The following PTPRQ variants were observed in gnomAD, a reference collection of about 807,000 sequenced individuals.
PTPRQ encodes protein tyrosine phosphatase receptor type Q, also known as phosphatidylinositol phosphatase PTPRQ.
PTPRQ carries 199 observed loss-of-function variants against 246.0 expected under a neutral mutation model. That is an observed-to-expected ratio of 0.81 (90% confidence interval 0.72 to 0.91). The LOEUF is 0.91. PTPRQ is among the 40% of genes least tolerant of loss of function. PTPRQ has a pLI of 0.00. For missense variants in PTPRQ, 2,624 were observed against 2,528.4 expected, an observed-to-expected ratio of 1.04 and a Z score of -0.81; for synonymous variants, 869 against 853.2, an observed-to-expected ratio of 1.02 and a Z score of -0.32.
chr12:80,495,057 A>G lies in PTPRQ; in HGVS notation c.1665A>G (p.Gly555=), dbSNP rs377698467. The G allele has an allele frequency of 9.7e-6, 15 of 1,550,430 alleles. No individual in the cohort carries two copies. The African/African-American group carries it at 1.9e-4, about 20-fold the overall frequency. Residue 555 remains glycine (G), a synonymous_variant, in exon 11 of 45, where the codon GGA becomes GGG. Coordinates refer to ENST00000644991, the MANE Select transcript of PTPRQ (RefSeq NM_001145026.2). ...CTGCTTTCACCATCATGGGAGAAGGACCACCAACAGTTCTCAGTGTTAGGA... is the reference window on the plus strand; with the variant it reads ...CTGCTTTCACCATCATGGGAGAAGGGCCACCAACAGTTCTCAGTGTTAGGA... ...SVSAFTIMGE[G]PPTVLSVRTR...
At chr12:80,647,147 T>A (rs1900102634) in intron 35 of PTPRQ, among the ~76,000 whole-genome samples, 1 of 152,156 alleles carries the variant, frequency 6.6e-6, no homozygotes, top group Non-Finnish European at 1.5e-5. Context: ...GAAAAAGGAA[T>A]CTCTCTGCGA....
intron 25 of PTPRQ, among the ~76,000 whole-genome samples, chr12:80,562,006 T>C (rs1896841541): frequency 6.6e-6 from 1 of 151,844 alleles, no homozygotes. Context: ...TGTCAAATGC[T>C]TTTTTTTGCA....
At chr12:80,547,522 A>G (rs150872321) in intron 24 of PTPRQ, among the ~76,000 whole-genome samples, 411 of 152,286 alleles carry the variant, frequency 2.7e-3, no homozygotes, top group Non-Finnish European at 3.4e-3. Flanking sequence ...TCATTTCTGC[A>G]TAAATTTATG....
In PTPRQ at chr12:80,672,124, C is replaced by CT. The variant is rs200924646; in HGVS notation, c.6603-1038dup. Among the ~76,000 whole-genome samples the CT allele has an allele frequency of 5.1e-4, 78 of 151,988 alleles. No individual in the cohort carries two copies. The East Asian group carries it at 0.014, about 27-fold the overall frequency. On this transcript the variant is annotated intron_variant, in intron 42 of 44. Coordinates refer to ENST00000644991, the MANE Select transcript of PTPRQ (RefSeq NM_001145026.2). ...CCTCTATCTCCTTAACCTGATTCAT[C>CT]TTTTTTTCAGTATGAGACTTCTTAC...
At position 80,541,571 on chromosome 12, in the gene PTPRQ, T is replaced by A. The variant is rs1896152181; in HGVS notation, c.3171T>A (p.Val1057=). The part of the protein sequence containing the change: ...YTDQDIPEGF[V]GNLTYESISS... The stretch of plus-strand genomic sequence containing the variant: ...CTATCATAGTACCTGAAGGGTTTGT[T>A]GGAAACCTGACTTACGAATCCATTT... Residue 1057 remains valine (V), a synonymous_variant, in exon 21 of 45, where the codon GTT becomes GTA. Coordinates refer to ENST00000644991, the MANE Select transcript of PTPRQ (RefSeq NM_001145026.2). The A allele has an allele frequency of 6.5e-7, 1 of 1,529,660 alleles. No individual in the cohort carries two copies. The highest frequency in any genetic ancestry group is 1.3e-5 in the South Asian group (1 of 79,762). 94.8% of individuals were successfully genotyped at this position (1,529,660 alleles called of 1,614,324 possible). A position where few individuals can be genotyped will look rare whatever the true frequency, so the allele number is the denominator to read the frequency against.
At chr12:80,559,833 C>A (rs1896773310) in intron 25 of PTPRQ, among the ~76,000 whole-genome samples, 1 of 152,130 alleles carries the variant, frequency 6.6e-6, no homozygotes, top group Non-Finnish European at 1.5e-5. Context: ...CCTCCCCTCC[C>A]CTCTCCTGTC....
At chr12:80,574,334 T>C (rs1447370458) in intron 25 of PTPRQ, among the ~76,000 whole-genome samples, 1 of 152,180 alleles carries the variant, frequency 6.6e-6, no homozygotes, top group Non-Finnish European at 1.5e-5. Context: ...GAACAACCTA[T>C]AATCAGGTCT....
intron 14 of PTPRQ, among the ~76,000 whole-genome samples, chr12:80,500,022 A>G (rs1894748992): frequency 6.6e-6 from 1 of 152,016 alleles, no homozygotes; most frequent in East Asian, 1.9e-4. Flanking sequence ...AACAACCATG[A>G]GTGGATAATA....
At chr12:80,466,920 G>A (rs1480524262) in intron 6 of PTPRQ, among the ~76,000 whole-genome samples, 1 of 152,056 alleles carries the variant, frequency 6.6e-6, no homozygotes, top group Non-Finnish European at 1.5e-5. Context: ...GTAAACCTAG[G>A]CATTACCATT....
intron 8 of PTPRQ, among the ~76,000 whole-genome samples, chr12:80,483,703 TAGGTACTTCTC>T (rs1188675396): frequency 3.0e-5 from 4 of 133,540 alleles, no homozygotes; most frequent in African/African-American, 1.5e-4. Flanking sequence ...TCATCTACAT[TAGGTACTTCTC>T]CTAATGCTAT....
chr12:80,673,184 A>G lies in PTPRQ; in HGVS notation c.6618A>G (p.Arg2206=). 6.4e-7 allele frequency: 1 copy of G among 1,550,794 alleles called. No individual in the cohort carries two copies. Among genetic ancestry groups the G allele is most frequent in the Non-Finnish European group, 8.7e-7 (1 of 1,146,326 alleles). ...CTTCCTGTAGTGCTGGAGTTGGAAG[A>G]ACTGGAGTTTTTATTGCTCTGGACC... The part of the protein sequence containing the change: ...MIVHCSAGVG[R]TGVFIALDHL... Residue 2206 remains arginine (R), a synonymous_variant, in exon 43 of 45, where the codon AGA becomes AGG. Transcript: ENST00000644991.
At chr12:80,507,341 T>C (rs75957999) in intron 16 of PTPRQ, among the ~76,000 whole-genome samples, 1,812 of 152,130 alleles carry the variant, frequency 0.012, 40 homozygotes, top group African/African-American at 0.042. Flanking sequence ...ACATTGCATA[T>C]TTAAAGAAAA....
chr12:80,586,983 GTTCTCCGTGGA>G (rs1897641598), intron 25 of PTPRQ, among the ~76,000 whole-genome samples: 1 of 152,100 alleles, frequency 6.6e-6, no homozygotes, highest in Non-Finnish European at 1.5e-5. Flanking sequence ...TTCTGATTTT[GTTCTCCGTGGA>G]AGGTCTGGGA....
chr12:80,675,346 C>T (rs779775483), intron 43 of PTPRQ, among the ~76,000 whole-genome samples: 2 of 152,160 alleles, frequency 1.3e-5, no homozygotes, highest in Non-Finnish European at 2.9e-5. Context: ...AATTAGGTAG[C>T]TGGTCTTTAT....
intron 8 of PTPRQ, among the ~76,000 whole-genome samples, chr12:80,484,227 G>A (rs1007068450): frequency 2.0e-5 from 3 of 152,010 alleles, no homozygotes; most frequent in African/African-American, 4.8e-5. Flanking sequence ...GGCTGGTCTC[G>A]AACTCCTTAC....
intron 26 of PTPRQ, among the ~76,000 whole-genome samples, chr12:80,589,730 A>G (rs1446941023): frequency 1.3e-5 from 2 of 152,160 alleles, no homozygotes; most frequent in African/African-American, 4.8e-5. Flanking sequence ...CTTTGACACA[A>G]TTGTCCAACC....
At position 80,550,469 on chromosome 12, in the gene PTPRQ, C is replaced by T. The variant is rs570150515; in HGVS notation, c.4285+735C>T. Among the ~76,000 whole-genome samples the T allele has an allele frequency of 2.0e-5, 3 of 152,266 alleles. No homozygotes were observed. The South Asian group carries it at 6.2e-4, about 32-fold the overall frequency. ...AACATCAAGACATAGTCTGCCTTCT[C>T]TCTGATTTCAGCATCTAACTCCACA... On this transcript the variant is annotated intron_variant, in intron 25 of 44. Coordinates refer to ENST00000644991, the MANE Select transcript of PTPRQ (RefSeq NM_001145026.2).
At chr12:80,652,335 G>A (rs1900284836) in intron 37 of PTPRQ, among the ~76,000 whole-genome samples, 2 of 151,956 alleles carry the variant, frequency 1.3e-5, no homozygotes, top group Non-Finnish European at 2.9e-5. Flanking sequence ...CAATTAATAG[G>A]CATGAAATCA....
chr12:80,676,397 C>T (rs1901142626), intron 43 of PTPRQ, among the ~76,000 whole-genome samples: 1 of 152,186 alleles, frequency 6.6e-6, no homozygotes, highest in African/African-American at 2.4e-5. Flanking sequence ...AATCCCAGCA[C>T]TTTGGGAGGC....
Sources: allele counts gnomAD v4.1 joint callset (sites outside exome capture counted in the v4.1 genomes callset), GRCh38; gene constraint gnomAD v4.1.1; transcripts MANE v1.5; gene names NCBI Gene and HGNC (gene_info 2026-07-23, HGNC 2026-07-21).